ADAMTS6: variants seen among roughly 807,000 people sequenced by gnomAD.
ADAMTS6 encodes the protein A disintegrin and metalloproteinase with thrombospondin motifs 6.
ADAMTS6 carries 23 observed loss-of-function variants against 144.3 expected under a neutral mutation model. The observed-to-expected ratio is 0.16, with a 90% CI of 0.11 to 0.23. The LOEUF is 0.23. ADAMTS6 is among the 10% of genes least tolerant of loss of function. ADAMTS6 has a pLI of 1.00. For missense variants in ADAMTS6, 999 were observed against 1,379.6 expected (o/e 0.72, Z 4.37); for synonymous variants, 444 against 457.5 (o/e 0.97, Z 0.38).
chr5:65,274,241 T>C (rs1762277671), intron 11 of ADAMTS6, among the ~76,000 whole-genome samples: 1 of 152,118 alleles, frequency 6.6e-6, no homozygotes, highest in African/African-American at 2.4e-5. Context: ...AGCCGTTCAA[T>C]ATTATTCCTA....
At position 65,452,788 on chromosome 5, in the gene ADAMTS6, T is replaced by C; in HGVS notation, c.762A>G (p.Thr254=). 2.5e-6 allele frequency: 4 copies of C among 1,614,134 alleles called. No individual in the cohort carries two copies. The highest frequency in any genetic ancestry group is 1.3e-5 in the African/African-American group (1 of 75,058). The change falls in exon 5 of 25, where the codon ACA becomes ACG. Residue 254 remains threonine, a synonymous_variant. Coordinates refer to ENST00000381055, the MANE Select transcript of ADAMTS6 (RefSeq NM_197941.4). ...CCATCATTTTGTCTGCCACTACCAA[T>C]GTCTCCACAAACCGTTCAATGCTCA... The part of the protein sequence containing the change: ...RSVSIERFVE[T]LVVADKMMVG...
At chr5:65,195,853 C>T (rs1477904242) in intron 21 of ADAMTS6, among the ~76,000 whole-genome samples, 1 of 152,172 alleles carries the variant, frequency 6.6e-6, no homozygotes, top group Non-Finnish European at 1.5e-5. Context: ...GAATGAAATG[C>T]CAATCACACA....
At chr5:65,395,701 T>C (rs1393198337) in intron 7 of ADAMTS6, among the ~76,000 whole-genome samples, 1 of 152,234 alleles carries the variant, frequency 6.6e-6, no homozygotes, top group Non-Finnish European at 1.5e-5. Context: ...AACCATATCC[T>C]GTACTTAATG....
rs958959389 is a variant in ADAMTS6 at position 65,260,714 on chromosome 5, A to G, written c.1767-51T>C. Reference sequence around the variant, plus strand: ...TGAATACTAATACATCTGTCCATACAAAGAGTATATATATTACTTGATGAA... The same window carrying G: ...TGAATACTAATACATCTGTCCATACGAAGAGTATATATATTACTTGATGAA... On this transcript the variant is annotated intron_variant, in intron 13 of 24. Transcript: ENST00000381055. The G allele has an allele frequency of 2.1e-6, 3 of 1,401,518 alleles. No individual in the cohort carries two copies. In the African/African-American group the frequency reaches 4.3e-5, roughly 20 times the overall value. The allele number at this position is 1,401,518 out of a possible 1,614,324, so 86.8% of individuals were successfully genotyped here. A position where few individuals can be genotyped will look rare whatever the true frequency, so the allele number is the denominator to read the frequency against.
At chr5:65,399,523 C>CT (rs568953842) in intron 7 of ADAMTS6, among the ~76,000 whole-genome samples, 6 of 151,142 alleles carry the variant, frequency 4.0e-5, no homozygotes, top group East Asian at 3.9e-4. Flanking sequence ...AATTATGCTT[C>CT]TTTTTTTTTC....
intron 7 of ADAMTS6, among the ~76,000 whole-genome samples, chr5:65,397,148 T>C (rs897393817): frequency 3.3e-5 from 5 of 152,228 alleles, no homozygotes; most frequent in African/African-American, 1.2e-4. Flanking sequence ...CATTCCATTA[T>C]AACATTTTTA....
At chr5:65,382,837 T>TAACA (rs1752154456) in intron 7 of ADAMTS6, among the ~76,000 whole-genome samples, 1 of 152,240 alleles carries the variant, frequency 6.6e-6, no homozygotes, top group Non-Finnish European at 1.5e-5. Context: ...CAGTCTGCTA[T>TAACA]AACAAAATAC....
At chr5:65,238,118 AATCT>A (rs986032235) in intron 15 of ADAMTS6, among the ~76,000 whole-genome samples, 2 of 152,204 alleles carry the variant, frequency 1.3e-5, no homozygotes, top group Admixed American at 1.3e-4. Context: ...GAGATTGTCA[AATCT>A]ATCAGGTCAC....
chr5:65,198,031 T>C (rs1755497238), intron 20 of ADAMTS6, among the ~76,000 whole-genome samples: 1 of 152,196 alleles, frequency 6.6e-6, no homozygotes, highest in South Asian at 2.1e-4. Flanking sequence ...TGTATACTCA[T>C]TTTCTCTTTA....
chr5:65,186,418 C>T (rs1370786291), intron 22 of ADAMTS6, among the ~76,000 whole-genome samples: 1 of 152,152 alleles, frequency 6.6e-6, no homozygotes, highest in Non-Finnish European at 1.5e-5. Flanking sequence ...TCATGTTACC[C>T]ATGGTGCCTA....
chr5:65,405,360 A>G (rs1184214624), intron 7 of ADAMTS6, among the ~76,000 whole-genome samples: 5 of 152,202 alleles, frequency 3.3e-5, no homozygotes, highest in Admixed American at 6.5e-5. Flanking sequence ...AGCTTTCTAC[A>G]TATGGCTAGC....
Position 65,452,663 on chromosome 5 carries a change from CAACA to C in ADAMTS6, c.843+40_843+43del, listed in dbSNP as rs563171119. On this transcript the variant is annotated intron_variant, in intron 5 of 24. Coordinates refer to ENST00000381055, the MANE Select transcript of ADAMTS6 (RefSeq NM_197941.4). ...AAATTTATGACCTTAGTCAAAAACA[CAACA>C]AATATGAAGTAAAATATTATATAGA... 3.1e-4 allele frequency: 496 copies of C among 1,595,144 alleles called. 8 individuals carry two copies. The South Asian group carries it at 5.4e-3, about 18-fold the overall frequency.
At chr5:65,339,938 C>A (rs1218074689) in intron 7 of ADAMTS6, among the ~76,000 whole-genome samples, 1 of 151,934 alleles carries the variant, frequency 6.6e-6, no homozygotes, top group East Asian at 1.9e-4. Flanking sequence ...GTGAGGAAAC[C>A]ATATTTTATG....
intron 21 of ADAMTS6, among the ~76,000 whole-genome samples, chr5:65,191,246 C>T (rs1364117905): frequency 6.6e-6 from 1 of 151,994 alleles, no homozygotes; most frequent in Non-Finnish European, 1.5e-5. Context: ...CTTGCTGCAG[C>T]CTCTGTAATC....
intron 18 of ADAMTS6, among the ~76,000 whole-genome samples, chr5:65,216,796 C>A (rs1228881785): frequency 6.6e-6 from 1 of 151,842 alleles, no homozygotes; most frequent in East Asian, 1.9e-4. Context: ...CACACACACA[C>A]ACACACACAC....
At chr5:65,195,052 G>T (rs1755246190) in intron 21 of ADAMTS6, among the ~76,000 whole-genome samples, 1 of 152,300 alleles carries the variant, frequency 6.6e-6, no homozygotes, top group South Asian at 2.1e-4. Context: ...GGCTCACTCA[G>T]ATGCCTTCAC....
intron 24 of ADAMTS6, among the ~76,000 whole-genome samples, chr5:65,158,733 C>A (rs1441693664): frequency 6.6e-6 from 1 of 152,282 alleles, no homozygotes; most frequent in East Asian, 1.9e-4. Flanking sequence ...AAGATCATGC[C>A]TATAATGTTT....
At chr5:65,414,920 T>A (rs999577099) in intron 7 of ADAMTS6, among the ~76,000 whole-genome samples, 1 of 152,126 alleles carries the variant, frequency 6.6e-6, no homozygotes, top group Non-Finnish European at 1.5e-5. Flanking sequence ...TGACCTTGTA[T>A]TAAGCAATGA....
intron 7 of ADAMTS6, among the ~76,000 whole-genome samples, chr5:65,444,491 T>C (rs1047462291): frequency 4.6e-5 from 7 of 152,192 alleles, no homozygotes; most frequent in African/African-American, 1.7e-4. Context: ...AATGAAATTT[T>C]AAAAACAGTA....
Sources: gnomAD v4.1 joint callset for allele counts (sites outside exome capture counted in the v4.1 genomes callset) on GRCh38, gnomAD v4.1.1 for gene constraint, MANE v1.5 for transcripts, NCBI Gene and HGNC (gene_info 2026-07-23, HGNC 2026-07-21) for gene names.